The following SPATS2L variants were observed in gnomAD, a reference collection of about 807,000 sequenced individuals.
SPATS2L encodes SPATS2-like protein.
A neutral mutation model predicts 59.6 loss-of-function variants in SPATS2L; 30 were observed. The ratio of observed to expected loss-of-function variants is 0.50; its 90% CI spans 0.38 to 0.68. The LOEUF is 0.68. Among genes scored for constraint, SPATS2L ranks in the 30% least tolerant of loss-of-function variants. The pLI, the probability that SPATS2L is intolerant of heterozygous loss-of-function variation, is 0.00. For synonymous variants in SPATS2L, 252 were observed against 263.5 expected (o/e 0.96, Z 0.42); for missense variants, 615 against 700.0 (o/e 0.88, Z 1.37).
At chr2:200,421,956 T>C in intron 6 of SPATS2L, among the ~76,000 whole-genome samples, 1 of 152,242 alleles carries the variant, frequency 6.6e-6, no homozygotes, top group East Asian at 1.9e-4. Context: ...TATAAAACAA[T>C]GTCAGTAACT....
intron 2 of SPATS2L, among the ~76,000 whole-genome samples, chr2:200,333,542 T>C (rs1031888874): frequency 1.3e-5 from 2 of 152,126 alleles, no homozygotes; most frequent in African/African-American, 4.8e-5. Flanking sequence ...AGGGTACATG[T>C]GCACAACGTG....
At chr2:200,428,782 G>T (rs549906458) in intron 6 of SPATS2L, among the ~76,000 whole-genome samples, 1 of 152,240 alleles carries the variant, frequency 6.6e-6, no homozygotes, top group African/African-American at 2.4e-5. Flanking sequence ...CTAGTCATCA[G>T]TCATGACATC....
intron 8 of SPATS2L, among the ~76,000 whole-genome samples, chr2:200,455,997 G>A (rs769313687): frequency 3.9e-5 from 6 of 152,090 alleles, no homozygotes; most frequent in Non-Finnish European, 8.8e-5. Flanking sequence ...TGTAAGGCTG[G>A]CTCCTCACTG....
chr2:200,472,740 C>T, intron 11 of SPATS2L, 92 bp from the exon 12 acceptor site: 1 of 1,095,840 alleles, frequency 9.1e-7, no homozygotes, highest in South Asian at 1.4e-5. Context: ...AGCTCCTGGC[C>T]AGTTTCTTCA....
chr2:200,426,082 CTTTTTTTTT>C (rs769997762), intron 6 of SPATS2L, among the ~76,000 whole-genome samples: 196 of 62,330 alleles, frequency 3.1e-3, no homozygotes, highest in South Asian at 4.8e-3. Context: ...TAGGTTTTTA[CTTTTTTTTT>C]TTTTTTTTTT....
intron 3 of SPATS2L, among the ~76,000 whole-genome samples, chr2:200,396,202 C>T (rs193208040): frequency 3.3e-5 from 5 of 151,256 alleles, no homozygotes; most frequent in Admixed American, 1.3e-4. Context: ...CTAGACAATA[C>T]GATGATATGG....
At chr2:200,391,360 A>G (rs767679218) in intron 3 of SPATS2L, among the ~76,000 whole-genome samples, 6 of 152,252 alleles carry the variant, frequency 3.9e-5, no homozygotes, top group Non-Finnish European at 7.3e-5. Context: ...AGAAGTACAT[A>G]TATTACTGCA....
rs933976330 is a variant in SPATS2L at position 200,397,308 on chromosome 2, G to A, written c.39+8025G>A. On this transcript the variant is annotated intron_variant, in intron 3 of 12. Transcript: ENST00000409140. ...GTAACTTCTATTCACAATCCCTTGG[G>A]ATTTATAGGTAGTTTACCAACATTC... Among the ~76,000 whole-genome samples, 3 of 152,280 alleles carry A rather than the reference G, an allele frequency of 2.0e-5. 1 individual carries two copies. Among genetic ancestry groups the A allele is most frequent in the South Asian group, 4.1e-4 (2 of 4,834 alleles).
intron 1 of SPATS2L, among the ~76,000 whole-genome samples, chr2:200,315,784 A>G (rs2079350630): frequency 1.3e-5 from 2 of 150,996 alleles, no homozygotes; most frequent in South Asian, 4.2e-4. Flanking sequence ...GACCTGGAAG[A>G]TAGCACCTGT....
Position 200,474,727 on chromosome 2 carries a change from C to A in SPATS2L, c.1281+1675C>A, listed in dbSNP as rs184427323. On this transcript the variant is annotated intron_variant, in intron 12 of 12. Coordinates refer to ENST00000409140, the MANE Select transcript of SPATS2L (RefSeq NM_001100423.2). The stretch of plus-strand genomic sequence containing the variant: ...TTAAGTACTATCTATGTAGATACTT[C>A]TTCAGTTCTCTGGTTTAGCAGTTTA... Among the ~76,000 whole-genome samples, 22 of 152,170 alleles carry A rather than the reference C, an allele frequency of 1.4e-4. 1 individual carries two copies. The highest frequency in any genetic ancestry group is 5.3e-4 in the African/African-American group (22 of 41,428).
chr2:200,377,283 G>A (rs1444986590), intron 2 of SPATS2L, among the ~76,000 whole-genome samples: 1 of 152,202 alleles, frequency 6.6e-6, no homozygotes, highest in Admixed American at 6.5e-5. Flanking sequence ...GTAATTGCTT[G>A]TTTTCGGTCA....
At chr2:200,308,802 G>A (rs765483534) in intron 1 of SPATS2L, 14 of 428,468 alleles carry the variant, frequency 3.3e-5, no homozygotes, top group Non-Finnish European at 4.9e-5. Flanking sequence ...AATATTAAAT[G>A]ATTTTCTAAG....
intron 12 of SPATS2L, among the ~76,000 whole-genome samples, chr2:200,476,689 G>A (rs1160053235): frequency 6.6e-6 from 1 of 152,208 alleles, no homozygotes; most frequent in African/African-American, 2.4e-5. Flanking sequence ...AGCCCCAGAG[G>A]GCATGCGTTA....
intron 3 of SPATS2L, among the ~76,000 whole-genome samples, chr2:200,392,531 C>A (rs572875584): frequency 2.0e-5 from 3 of 152,034 alleles, no homozygotes; most frequent in Non-Finnish European, 4.4e-5. Context: ...AATTATAGAC[C>A]GTCCCTTATT....
At chr2:200,394,131 C>T (rs919370349) in intron 3 of SPATS2L, among the ~76,000 whole-genome samples, 2 of 152,164 alleles carry the variant, frequency 1.3e-5, no homozygotes, top group East Asian at 1.9e-4. Context: ...TGGATTATAA[C>T]GATAAGGATT....
At chr2:200,341,543 T>G (rs1382892458) in intron 2 of SPATS2L, among the ~76,000 whole-genome samples, 1 of 150,720 alleles carries the variant, frequency 6.6e-6, no homozygotes, top group Admixed American at 6.8e-5. Flanking sequence ...CCTTTGCTGC[T>G]TGGATATACT....
chr2:200,457,453 G>A (rs1044077217), intron 8 of SPATS2L, among the ~76,000 whole-genome samples: 4 of 152,150 alleles, frequency 2.6e-5, no homozygotes, highest in African/African-American at 9.7e-5. Context: ...AGTAAGTTGG[G>A]GCAGAGATGG....
At chr2:200,363,053 G>A (rs1007762905) in intron 2 of SPATS2L, among the ~76,000 whole-genome samples, 47 of 152,132 alleles carry the variant, frequency 3.1e-4, no homozygotes, top group African/African-American at 1.1e-3. Context: ...CACGGAAGCC[G>A]TACTGCCATT....
At chr2:200,412,880 C>T (rs1181545031) in intron 4 of SPATS2L, among the ~76,000 whole-genome samples, 1 of 151,596 alleles carries the variant, frequency 6.6e-6, no homozygotes, top group Non-Finnish European at 1.5e-5. Flanking sequence ...GGTGAAACCC[C>T]GTCTCTATAA....
Sources: gnomAD v4.1 joint callset for allele counts (sites outside exome capture counted in the v4.1 genomes callset) on GRCh38, gnomAD v4.1.1 for gene constraint, MANE v1.5 for transcripts, NCBI Gene and HGNC (gene_info 2026-07-23, HGNC 2026-07-21) for gene names.